The following PARP4 variants were observed in gnomAD, a reference collection of about 807,000 sequenced individuals.
The protein encoded by PARP4 is protein mono-ADP-ribosyltransferase PARP4.
In PARP4, 120 loss-of-function variants were observed where a neutral mutation model predicts 187.7. The ratio of observed to expected loss-of-function variants is 0.64; its 90% CI spans 0.55 to 0.74. The LOEUF is 0.74. PARP4 is among the 30% of genes least tolerant of loss of function. The pLI, the probability that PARP4 is intolerant of heterozygous loss-of-function variation, is 0.00. For missense variants in PARP4, 1,836 were observed against 2,070.5 expected (o/e 0.89, Z 2.20); for synonymous variants, 654 against 740.9 (o/e 0.88, Z 1.90).
chr13:24,441,543 G>GA (rs535684677), intron 30 of PARP4, among the ~76,000 whole-genome samples: 120 of 152,390 alleles, frequency 7.9e-4, no homozygotes, highest in African/African-American at 2.8e-3. Context: ...ATAATTTCAT[G>GA]ACAAACCTAT....
At position 24,462,192 on chromosome 13, in the gene PARP4, C is replaced by G. The variant is rs369572852; in HGVS notation, c.2134-2056G>C. On this transcript the variant is annotated intron_variant, in intron 17 of 33. Coordinates refer to ENST00000381989, the MANE Select transcript of PARP4 (RefSeq NM_006437.4). Reference sequence around the variant, plus strand: ...ATCAAGCAACAGCAGCCTAGCACTGCGGGAGGGGAAGAGTTGCTGTAATCA... The same window carrying G: ...ATCAAGCAACAGCAGCCTAGCACTGGGGGAGGGGAAGAGTTGCTGTAATCA... Among the ~76,000 whole-genome samples the G allele has an allele frequency of 1.3e-3, 200 of 152,258 alleles. 1 individual carries two copies. The highest frequency in any genetic ancestry group is 4.6e-3 in the African/African-American group (193 of 41,548).
At chr13:24,465,339 GTA>G (rs1233265346) in intron 17 of PARP4, among the ~76,000 whole-genome samples, 2 of 152,198 alleles carry the variant, frequency 1.3e-5, no homozygotes, top group East Asian at 3.8e-4. Flanking sequence ...ACATGCATGT[GTA>G]TGTTCGTTGC....
chr13:24,485,338 A>T (rs764990238), intron 11 of PARP4, among the ~76,000 whole-genome samples: 31 of 152,178 alleles, frequency 2.0e-4, no homozygotes, highest in Non-Finnish European at 4.1e-4. Context: ...ATATAAAAAA[A>T]ATATGTTGTA....
rs201350007 is a variant in PARP4, at chr13:24,455,069, C to T, written c.2706G>A (p.Ala902=). 196 of 1,612,748 alleles carry T rather than the reference C, an allele frequency of 1.2e-4. No homozygotes were observed. The highest frequency in any genetic ancestry group is 1.6e-4 in the Non-Finnish European group (187 of 1,178,952). ...FLQAKQIALH[A]LSLVGEKQKV... is the part of the protein sequence containing the mutation. ...TCTGCTTCTCACCCACCAAGGACAG[C>T]GCATGCAAGGCGATTTGCTTGGCTT... Residue 902 remains alanine (A), a synonymous_variant, in exon 22 of 34, where the codon GCG becomes GCA. Coordinates refer to ENST00000381989, the MANE Select transcript of PARP4 (RefSeq NM_006437.4).
intron 2 of PARP4, 126 bp from the exon 3 acceptor site, chr13:24,501,960 G>T (rs1473921140): frequency 1.6e-6 from 1 of 618,464 alleles, no homozygotes; most frequent in South Asian, 2.1e-5. Context: ...CTCAAATTTC[G>T]AAAAACCTCT....
chr13:24,466,892 G>T (rs752090908), intron 17 of PARP4, among the ~76,000 whole-genome samples: 15 of 151,810 alleles, frequency 9.9e-5, no homozygotes, highest in Non-Finnish European at 1.9e-4. Flanking sequence ...GAAAAGCGAG[G>T]GAAAGGAACA....
At chr13:24,482,666 T>A (rs75653713) in intron 12 of PARP4, among the ~76,000 whole-genome samples, 2,503 of 148,220 alleles carry the variant, frequency 0.017, 61 homozygotes, top group African/African-American at 0.059. Flanking sequence ...GTTTTTTTTT[T>A]AAACACAATG....
chr13:24,452,583 G>A lies in PARP4; in HGVS notation c.2837C>T (p.Pro946Leu). ...MAAEFIMSAT[P>L]TMGNTDFWKT... The stretch of plus-strand genomic sequence containing the variant: ...CCAGAAGTCTGTGTTCCCCATGGTA[G>A]GTGTGGCAGACTGGAGGAAATGAAG... Residue 946 changes from proline to leucine, a missense_variant, in exon 24 of 34, where the codon CCT (proline) becomes CTT (leucine). Pro to Leu is a moderately conservative substitution (Grantham distance 98). This residue lies in a region of PARP4 where 1,147 missense variants were observed against 1,214.2 expected (regional missense o/e 0.94). Coordinates refer to ENST00000381989, the MANE Select transcript of PARP4 (RefSeq NM_006437.4). The A allele has an allele frequency of 6.2e-7, 1 of 1,612,004 alleles. No homozygotes were observed. Among genetic ancestry groups the A allele is most frequent in the Non-Finnish European group, 8.5e-7 (1 of 1,178,858 alleles).
chr13:24,428,092 G>C (rs185098699), intron 32 of PARP4, among the ~76,000 whole-genome samples: 1 of 152,296 alleles, frequency 6.6e-6, no homozygotes, highest in East Asian at 1.9e-4. Flanking sequence ...AAAAAAGACA[G>C]CTTGAGACTC....
intron 22 of PARP4, 33 bp downstream of exon 22, chr13:24,454,984 G>C: frequency 1.3e-6 from 2 of 1,503,120 alleles, no homozygotes; most frequent in South Asian, 1.3e-5. Context: ...TGTAGGGGAA[G>C]CACACGCAGG....
chr13:24,466,242 C>T (rs1347556114), intron 17 of PARP4, among the ~76,000 whole-genome samples: 2 of 152,122 alleles, frequency 1.3e-5, no homozygotes, highest in Non-Finnish European at 2.9e-5. Flanking sequence ...TGTGCAGTGG[C>T]GCCATTATGG....
At chr13:24,511,276 G>C (rs1354779324) in intron 1 of PARP4, among the ~76,000 whole-genome samples, 1 of 152,082 alleles carries the variant, frequency 6.6e-6, no homozygotes, top group African/African-American at 2.4e-5. Context: ...GCGCCTAACC[G>C]ACATGCGCCA....
At chr13:24,485,890 T>C (rs1873526125) in intron 11 of PARP4, among the ~76,000 whole-genome samples, 1 of 152,192 alleles carries the variant, frequency 6.6e-6, no homozygotes, top group Non-Finnish European at 1.5e-5. Context: ...TGCTAGGTTT[T>C]CCAGGCTGGT....
At chr13:24,460,965 C>T (rs1216202783) in intron 17 of PARP4, among the ~76,000 whole-genome samples, 2 of 152,150 alleles carry the variant, frequency 1.3e-5, no homozygotes, top group Non-Finnish European at 2.9e-5. Context: ...CCACACCCAG[C>T]CTATCATGTT....
At chr13:24,484,455 G>C (rs780288338) in intron 12 of PARP4, among the ~76,000 whole-genome samples, 198 bp downstream of exon 12, 1 of 152,148 alleles carries the variant, frequency 6.6e-6, no homozygotes, top group Non-Finnish European at 1.5e-5. Context: ...GTACAGGCAC[G>C]AGCCACCATG....
intron 15 of PARP4, among the ~76,000 whole-genome samples, chr13:24,473,242 G>A (rs926915043): frequency 6.6e-6 from 1 of 152,086 alleles, no homozygotes; most frequent in African/African-American, 2.4e-5. Context: ...TGGTATTTAT[G>A]ATAGCAAAAT....
intron 30 of PARP4, among the ~76,000 whole-genome samples, chr13:24,438,300 G>A (rs1428078893): frequency 6.6e-6 from 1 of 152,112 alleles, no homozygotes; most frequent in Non-Finnish European, 1.5e-5. Context: ...CAACAGGTTC[G>A]GGGCTCCCAT....
Position 24,446,079 on chromosome 13 carries a change from C to T in PARP4, c.3366+602G>A, listed in dbSNP as rs77154498. Reference sequence around the variant, plus strand: ...GAAATAAACCCACATCCTCAATATACGATATGATCTACTCTTAGTCCAGTA... The same window carrying T: ...GAAATAAACCCACATCCTCAATATATGATATGATCTACTCTTAGTCCAGTA... On this transcript the variant is annotated intron_variant, in intron 27 of 33. Transcript: ENST00000381989. Among the ~76,000 whole-genome samples the T allele has an allele frequency of 2.2e-4, 34 of 152,308 alleles. No homozygotes were observed. In the East Asian group the frequency reaches 4.2e-3, roughly 19 times the overall value.
chr13:24,439,431 A>G (rs1320604849), intron 30 of PARP4, among the ~76,000 whole-genome samples: 2 of 152,204 alleles, frequency 1.3e-5, no homozygotes, highest in Non-Finnish European at 2.9e-5. Context: ...TAAAAGCCAT[A>G]CAGAATGTCT....
Sources: allele counts gnomAD v4.1 joint callset (sites outside exome capture counted in the v4.1 genomes callset), GRCh38; gene constraint gnomAD v4.1.1; regional missense constraint gnomAD v4.1.1; transcripts MANE v1.5; gene names NCBI Gene and HGNC (gene_info 2026-07-23, HGNC 2026-07-21).